The following KIAA1328 variants were observed in gnomAD, a reference collection of about 807,000 sequenced individuals.
KIAA1328 encodes KIAA1328.
Under a neutral mutation model 68.1 loss-of-function variants are expected in KIAA1328, and 52 were observed. The observed-to-expected ratio is 0.76, with a 90% CI of 0.61 to 0.96. The LOEUF (loss-of-function observed/expected upper bound fraction) is 0.96, where lower values mean the gene tolerates loss of function less well. KIAA1328 is among the 40% of genes least tolerant of loss of function. KIAA1328 has a pLI of 0.00. For missense variants in KIAA1328, 641 were observed against 677.6 expected (o/e 0.95, Z 0.60); for synonymous variants, 232 against 239.4 (o/e 0.97, Z 0.28).
Position 36,975,283 on chromosome 18 carries a change from C to T in KIAA1328, c.576+15848C>T, listed in dbSNP as rs991171103. 7.3e-5 allele frequency among the ~76,000 whole-genome samples: 11 copies of T among 150,354 alleles called. No individual in the cohort carries two copies. In the South Asian group the frequency reaches 8.5e-4, roughly 12 times the overall value. On this transcript the variant is annotated intron_variant, in intron 6 of 9. Transcript: ENST00000280020. ...CTGCAAGCTCTGCCTCCCGGGTTCA[C>T]GCCATTCTCCTGCCTCAGCCTCCCA...
At chr18:36,962,813 A>G (rs904307847) in intron 6 of KIAA1328, among the ~76,000 whole-genome samples, 3 of 152,242 alleles carry the variant, frequency 2.0e-5, no homozygotes, top group African/African-American at 4.8e-5. Context: ...GGACACATTT[A>G]AAGCACTGTG....
chr18:37,059,832 A>G (rs1030629819), intron 6 of KIAA1328, among the ~76,000 whole-genome samples: 1 of 152,228 alleles, frequency 6.6e-6, no homozygotes, highest in African/African-American at 2.4e-5. Flanking sequence ...AATGTGGCAC[A>G]TATACACCAT....
Position 37,053,321 on chromosome 18 carries a change from A to G in KIAA1328, c.577-13569A>G, listed in dbSNP as rs564328083. On this transcript the variant is annotated intron_variant, in intron 6 of 9. Transcript: ENST00000280020. ...AAACTGGACTCTTATCTTTTACCAT[A>G]TATAAAAATACACTCAAGATGGACT... Among the ~76,000 whole-genome samples, 10 of 152,332 alleles carry G rather than the reference A, an allele frequency of 6.6e-5. No homozygotes were observed. In the South Asian group the frequency reaches 1.2e-3, roughly 19 times the overall value.
intron 5 of KIAA1328, among the ~76,000 whole-genome samples, chr18:36,952,359 T>C (rs1305127679): frequency 6.6e-6 from 1 of 152,218 alleles, no homozygotes; most frequent in Non-Finnish European, 1.5e-5. Flanking sequence ...TCCTGGAACA[T>C]GTTATCCTTA....
intron 6 of KIAA1328, among the ~76,000 whole-genome samples, chr18:36,979,312 A>T (rs753022056): frequency 2.8e-4 from 42 of 152,334 alleles, no homozygotes; most frequent in Non-Finnish European, 4.1e-4. Context: ...TATTATAGAT[A>T]TAAACTGTGA....
chr18:36,932,349 T>A (rs1260922936), intron 5 of KIAA1328, among the ~76,000 whole-genome samples: 3 of 152,148 alleles, frequency 2.0e-5, no homozygotes, highest in Non-Finnish European at 2.9e-5. Context: ...CCCCACAAGT[T>A]GCTGGGACCA....
intron 1 of KIAA1328, among the ~76,000 whole-genome samples, chr18:36,831,158 T>C (rs1174150729): frequency 6.6e-6 from 1 of 152,242 alleles, no homozygotes; most frequent in Non-Finnish European, 1.5e-5. Context: ...AAAAAGTAAG[T>C]ACCTATAATC....
chr18:37,205,322 G>A (rs140039147), intron 9 of KIAA1328, among the ~76,000 whole-genome samples: 8 of 152,192 alleles, frequency 5.3e-5, no homozygotes, highest in Non-Finnish European at 1.0e-4. Context: ...GAAAATGTGA[G>A]AAGGTAAGTT....
intron 6 of KIAA1328, among the ~76,000 whole-genome samples, chr18:37,024,583 T>G (rs542677055): frequency 4.6e-4 from 65 of 140,336 alleles, no homozygotes; most frequent in South Asian, 1.2e-3. Context: ...TGTGTCCAAG[T>G]GTTCTTATTG....
intron 5 of KIAA1328, among the ~76,000 whole-genome samples, chr18:36,944,251 G>A (rs2050812176): frequency 6.6e-6 from 1 of 152,140 alleles, no homozygotes; most frequent in Admixed American, 6.5e-5. Context: ...GGGATCTCCA[G>A]CCTCTGTATT....
At chr18:37,143,314 T>C (rs1188150160) in intron 7 of KIAA1328, among the ~76,000 whole-genome samples, 2 of 152,164 alleles carry the variant, frequency 1.3e-5, no homozygotes, top group Non-Finnish European at 2.9e-5. Flanking sequence ...TTACCAGTCT[T>C]ACACATTTTT....
rs548553910 is a variant in KIAA1328 at position 37,022,327 on chromosome 18, T to C, written c.577-44563T>C. On this transcript the variant is annotated intron_variant, in intron 6 of 9. Transcript: ENST00000280020. ...AGATTTTAATATTTTAAAACTCATA[T>C]AATAAGAAAACAGGATTAGAACCGT... 2.0e-5 allele frequency among the ~76,000 whole-genome samples: 3 copies of C among 152,324 alleles called. No homozygotes were observed. The East Asian group carries it at 5.8e-4, about 29-fold the overall frequency.
At chr18:36,839,023 A>C (rs749713000) in intron 3 of KIAA1328, among the ~76,000 whole-genome samples, 23 of 152,096 alleles carry the variant, frequency 1.5e-4, no homozygotes, top group Non-Finnish European at 2.8e-4. Context: ...GTGAGCCACC[A>C]TGCCCATCCT....
chr18:37,006,572 A>C (rs963504514), intron 6 of KIAA1328, among the ~76,000 whole-genome samples: 6 of 151,894 alleles, frequency 4.0e-5, no homozygotes, highest in Non-Finnish European at 4.4e-5. Context: ...CATGTGCACA[A>C]TGTGCAGGTT....
intron 1 of KIAA1328, among the ~76,000 whole-genome samples, chr18:36,830,061 C>T (rs932202676): frequency 3.9e-5 from 6 of 152,306 alleles, no homozygotes; most frequent in Admixed American, 1.3e-4. Flanking sequence ...TGAGTGCTTG[C>T]AGAGGCAGCT....
chr18:36,955,826 C>T (rs2151254083), intron 5 of KIAA1328: 1 of 151,816 alleles, frequency 6.6e-6, no homozygotes, highest in East Asian at 1.9e-4. Context: ...GGCCTCTCTA[C>T]ATTTAGTTCT....
At chr18:36,986,186 T>A (rs566521226) in intron 6 of KIAA1328, among the ~76,000 whole-genome samples, 1 of 151,948 alleles carries the variant, frequency 6.6e-6, no homozygotes, top group African/African-American at 2.4e-5. Flanking sequence ...AACCTCAAAT[T>A]AAAACAACCC....
At chr18:36,861,637 A>G (rs1011325030) in intron 4 of KIAA1328, among the ~76,000 whole-genome samples, 2 of 151,888 alleles carry the variant, frequency 1.3e-5, no homozygotes, top group Non-Finnish European at 2.9e-5. Flanking sequence ...TTTGTTATTT[A>G]TTTTTATCAG....
chr18:37,201,327 A>G (rs2060110242), intron 9 of KIAA1328, among the ~76,000 whole-genome samples: 2 of 152,248 alleles, frequency 1.3e-5, no homozygotes, highest in Admixed American at 1.3e-4. Flanking sequence ...ATGAAAAAAC[A>G]TCATAAAGAA....
Sources: gnomAD v4.1 joint callset for allele counts (sites outside exome capture counted in the v4.1 genomes callset) on GRCh38, gnomAD v4.1.1 for gene constraint, MANE v1.5 for transcripts, NCBI Gene and HGNC (gene_info 2026-07-23, HGNC 2026-07-21) for gene names.